The following NAALADL2 variants were observed in gnomAD, a reference collection of about 807,000 sequenced individuals.
NAALADL2 encodes N-acetylated alpha-linked acidic dipeptidase like 2.
Under a neutral mutation model 87.2 loss-of-function variants are expected in NAALADL2, and 76 were observed. The observed-to-expected ratio is 0.87, with a 90% confidence interval of 0.72 to 1.05. The LOEUF (loss-of-function observed/expected upper bound fraction) is 1.05, where lower values mean the gene tolerates loss of function less well. Ranked by LOEUF, NAALADL2 falls within the 50% of genes least tolerant of loss-of-function variation. NAALADL2 has a pLI of 0.00. For missense variants in NAALADL2, 1,089 were observed against 945.8 expected (o/e 1.15, Z -1.99); for synonymous variants, 354 against 331.0 (o/e 1.07, Z -0.75).
intron 6 of NAALADL2, among the ~76,000 whole-genome samples, chr3:175,455,147 A>T (rs1212492873): frequency 6.6e-6 from 1 of 152,080 alleles, no homozygotes; most frequent in African/African-American, 2.4e-5. Context: ...TAAAGTGGAC[A>T]GCCAGGGAGG....
chr3:175,435,517 T>G (rs1360191153), intron 5 of NAALADL2, among the ~76,000 whole-genome samples: 1 of 152,022 alleles, frequency 6.6e-6, no homozygotes, highest in Non-Finnish European at 1.5e-5. Context: ...CATTTTAACA[T>G]AATAATAAAA....
intron 1 of NAALADL2, among the ~76,000 whole-genome samples, chr3:174,482,409 G>A (rs1194355221): frequency 6.6e-6 from 1 of 152,044 alleles, no homozygotes; most frequent in African/African-American, 2.4e-5. Flanking sequence ...CAGGTGCTGA[G>A]CACTGAAAAT....
chr3:174,678,451 A>G (rs1464466632), intron 2 of NAALADL2, among the ~76,000 whole-genome samples: 1 of 152,076 alleles, frequency 6.6e-6, no homozygotes, highest in African/African-American at 2.4e-5. Flanking sequence ...TAGGATGCCA[A>G]ATTTTTTTCC....
chr3:175,068,872 T>C lies in NAALADL2; in HGVS notation c.44-27918T>C, dbSNP rs574578665. ...TCCATGGAAAACTCAATTGGGAGCA[T>C]GGGTTCCTCTAAAATAGATCAACCA... On this transcript the variant is annotated intron_variant, in intron 1 of 13. Transcript: ENST00000454872. Among the ~76,000 whole-genome samples the C allele has an allele frequency of 2.0e-5, 3 of 152,230 alleles. No individual in the cohort carries two copies. In the East Asian group the frequency reaches 5.8e-4, roughly 29 times the overall value.
chr3:174,774,020 A>G (rs1714900692), intron 3 of NAALADL2, among the ~76,000 whole-genome samples: 1 of 152,120 alleles, frequency 6.6e-6, no homozygotes, highest in African/African-American at 2.4e-5. Context: ...GACCTCTTCC[A>G]TTGGGTACAC....
intron 12 of NAALADL2, among the ~76,000 whole-genome samples, chr3:175,749,347 A>G (rs1304893659): frequency 1.3e-5 from 2 of 152,156 alleles, no homozygotes; most frequent in Non-Finnish European, 2.9e-5. Flanking sequence ...GTCTTAGTTC[A>G]TTTTGTGCTG....
At chr3:174,628,352 C>G (rs1424630598) in intron 2 of NAALADL2, among the ~76,000 whole-genome samples, 2 of 151,584 alleles carry the variant, frequency 1.3e-5, no homozygotes, top group African/African-American at 4.9e-5. Context: ...TGGTAGTCAC[C>G]TGTAATCCCA....
intron 2 of NAALADL2, among the ~76,000 whole-genome samples, chr3:175,104,835 A>T (rs1722821173): frequency 6.6e-6 from 1 of 152,154 alleles, no homozygotes; most frequent in Admixed American, 6.6e-5. Flanking sequence ...TCAGAAAAGG[A>T]ATACATAGGA....
chr3:175,205,630 A>G (rs1740706065), intron 2 of NAALADL2, among the ~76,000 whole-genome samples: 1 of 152,172 alleles, frequency 6.6e-6, no homozygotes, highest in Non-Finnish European at 1.5e-5. Context: ...TTTGCATGAC[A>G]AAAGCAACAG....
intron 1 of NAALADL2, among the ~76,000 whole-genome samples, chr3:175,019,639 G>A (rs9863038): frequency 0.18 from 27,372 of 151,784 alleles, 3,067 homozygotes; most frequent in Middle Eastern, 0.35. Flanking sequence ...ATTTCACTTC[G>A]TTGACCATTT....
Position 174,704,679 on chromosome 3 carries a change from G to C in NAALADL2, c.-114-32962G>C, listed in dbSNP as rs140576762. ...ATATATACAGGCAGATACATACCAT[G>C]TGATGGAAAATAGATAAAAAAAAAC... On this transcript the variant is annotated intron_variant, in intron 2 of 3. Transcript: ENST00000434257. 7.5e-3 allele frequency among the ~76,000 whole-genome samples: 1,145 copies of C among 151,776 alleles called. 14 individuals carry two copies. Among genetic ancestry groups the C allele is most frequent in the Middle Eastern group, 0.028 (8 of 290 alleles).
At chr3:175,403,820 G>T (rs138614975) in intron 5 of NAALADL2, among the ~76,000 whole-genome samples, 2 of 151,958 alleles carry the variant, frequency 1.3e-5, no homozygotes, top group African/African-American at 2.4e-5. Flanking sequence ...TTCTAAACTC[G>T]CACGGCATTA....
chr3:174,642,913 G>C (rs1015439571), intron 2 of NAALADL2, among the ~76,000 whole-genome samples: 23 of 151,838 alleles, frequency 1.5e-4, no homozygotes, highest in Non-Finnish European at 2.2e-4. Context: ...TTCCTGCGTA[G>C]CTGGGACTAT....
At chr3:174,753,772 A>G (rs75561078) in intron 3 of NAALADL2, among the ~76,000 whole-genome samples, 2,097 of 152,156 alleles carry the variant, frequency 0.014, 13 homozygotes, top group Middle Eastern at 0.02. Flanking sequence ...TCCCTTCCAA[A>G]TTCATATGTT....
At chr3:175,177,184 T>C (rs1235798313) in intron 2 of NAALADL2, among the ~76,000 whole-genome samples, 1 of 152,106 alleles carries the variant, frequency 6.6e-6, no homozygotes, top group Non-Finnish European at 1.5e-5. Flanking sequence ...TGTCTAATTT[T>C]CCCTAATACC....
At chr3:175,422,459 T>C (rs1715864878) in intron 5 of NAALADL2, among the ~76,000 whole-genome samples, 1 of 152,130 alleles carries the variant, frequency 6.6e-6, no homozygotes, top group African/African-American at 2.4e-5. Context: ...TCCTGTCCTT[T>C]AGTTAATTAC....
At chr3:175,773,717 G>A (rs1256451959) in intron 13 of NAALADL2, 2 of 152,088 alleles carry the variant, frequency 1.3e-5, no homozygotes, top group Non-Finnish European at 2.9e-5. Context: ...AGACTTCAAT[G>A]TTTTTGGCTT....
intron 9 of NAALADL2, among the ~76,000 whole-genome samples, chr3:175,553,123 G>A (rs1242259824): frequency 3.3e-5 from 5 of 152,064 alleles, no homozygotes; most frequent in Non-Finnish European, 1.5e-5. Flanking sequence ...TATTTGCTGA[G>A]CATGATGTCA....
chr3:175,129,610 T>A (rs565572165), intron 2 of NAALADL2, among the ~76,000 whole-genome samples: 1 of 152,228 alleles, frequency 6.6e-6, no homozygotes, highest in Admixed American at 6.5e-5. Context: ...GATTAAGATA[T>A]GTTATTACAA....
Sources: gnomAD v4.1 joint callset for allele counts (sites outside exome capture counted in the v4.1 genomes callset) on GRCh38, gnomAD v4.1.1 for gene constraint, MANE v1.5 for transcripts, NCBI Gene and HGNC (gene_info 2026-07-23, HGNC 2026-07-21) for gene names.